The following PCDHA13 variants were observed in gnomAD, a reference collection of about 807,000 sequenced individuals.
The protein encoded by PCDHA13 is protocadherin alpha-13.
PCDHA13 carries 54 observed loss-of-function variants against 64.8 expected under a neutral mutation model. The ratio of observed to expected loss-of-function variants is 0.83; its 90% CI spans 0.67 to 1.04. PCDHA13 has a LOEUF of 1.04. PCDHA13 is among the 50% of genes least tolerant of loss of function. PCDHA13 has a pLI of 0.00. For missense variants in PCDHA13, 1,248 were observed against 1,254.3 expected (o/e 0.99, Z 0.08); for synonymous variants, 587 against 564.4 (o/e 1.04, Z -0.57).
chr5:141,010,321 G>A lies in PCDHA13; in HGVS notation c.*384G>A. The A allele has an allele frequency of 1.3e-6, 2 of 1,541,244 alleles. No individual in the cohort carries two copies. Among genetic ancestry groups the A allele is most frequent in the South Asian group, 1.2e-5 (1 of 82,726 alleles). On this transcript the variant is annotated 3_prime_UTR_variant, in exon 4 of 4. Transcript: ENST00000289272. ...GGCTGAAAAGTTTTGAGATTGAGCA[G>A]CTTGGGAGTTTGTGGCCACTGGGTA...
intron 1 of PCDHA13, among the ~76,000 whole-genome samples, chr5:140,956,602 G>T (rs541025327): frequency 2.6e-5 from 4 of 152,212 alleles, no homozygotes. Flanking sequence ...GATATCAGCT[G>T]GAAGTTTTCC....
chr5:140,887,357 A>T (rs112910602), intron 1 of PCDHA13, among the ~76,000 whole-genome samples: 12,309 of 152,126 alleles, frequency 0.081, 539 homozygotes, highest in Middle Eastern at 0.13. Context: ...CGGCCTCCCA[A>T]AGTGCTGGGA....
intron 2 of PCDHA13, among the ~76,000 whole-genome samples, chr5:140,980,713 C>A (rs1034858406): frequency 1.3e-5 from 2 of 151,364 alleles, no homozygotes; most frequent in Non-Finnish European, 2.9e-5. Context: ...TGCTCCTATT[C>A]GGGTTTCAAT....
intron 1 of PCDHA13, among the ~76,000 whole-genome samples, chr5:140,903,538 C>G (rs562932214): frequency 7.9e-5 from 12 of 152,208 alleles, no homozygotes; most frequent in African/African-American, 2.6e-4. Context: ...TAAACTAGAG[C>G]AAGAAACTTT....
chr5:140,968,782 C>T (rs1256152245), intron 1 of PCDHA13: 43 of 1,614,072 alleles, frequency 2.7e-5, no homozygotes, highest in African/African-American at 8.0e-5. Flanking sequence ...CACTATCAGC[C>T]TCTGTGGCCA....
intron 1 of PCDHA13, among the ~76,000 whole-genome samples, chr5:140,937,624 A>G (rs2091636613): frequency 6.6e-6 from 1 of 150,778 alleles, no homozygotes; most frequent in Non-Finnish European, 1.5e-5. Context: ...CTAAAAAGAA[A>G]AAGAAAGGCA....
At chr5:141,001,975 G>T (rs900969211) in intron 3 of PCDHA13, among the ~76,000 whole-genome samples, 2 of 152,302 alleles carry the variant, frequency 1.3e-5, no homozygotes, top group Non-Finnish European at 2.9e-5. Flanking sequence ...GTCTCTGCGC[G>T]GAAAGCCTGG....
intron 3 of PCDHA13, among the ~76,000 whole-genome samples, chr5:141,002,901 G>C (rs2098101392): frequency 6.6e-6 from 1 of 152,224 alleles, no homozygotes; most frequent in Admixed American, 6.5e-5. Flanking sequence ...GCAAGATGAA[G>C]AGAAGATCAG....
intron 1 of PCDHA13, among the ~76,000 whole-genome samples, chr5:140,900,090 A>G (rs1370301453): frequency 6.6e-6 from 1 of 152,152 alleles, no homozygotes; most frequent in Non-Finnish European, 1.5e-5. Context: ...AGTTACAAGC[A>G]TGCGCCACCA....
intron 1 of PCDHA13, among the ~76,000 whole-genome samples, chr5:140,973,225 G>A (rs1554235003): frequency 6.6e-6 from 1 of 152,180 alleles, no homozygotes; most frequent in African/African-American, 2.4e-5. Flanking sequence ...TCCAGGTATA[G>A]TGACCTGAAA....
chr5:140,882,602 A>G lies in PCDHA13; in HGVS notation c.334A>G (p.Arg112Gly), dbSNP rs782347582. 1.9e-6 allele frequency: 3 copies of G among 1,614,276 alleles called. No homozygotes were observed. In the South Asian group the frequency reaches 3.3e-5, roughly 18 times the overall value. ...CSIHLEVIVD[R>G]PLQVFHVEVK... ...CATCCACCTGGAGGTGATCGTGGAC[A>G]GGCCTCTGCAGGTTTTCCATGTGGA... Residue 112 changes from arginine to glycine, a missense_variant, in exon 1 of 4, where the codon AGG becomes GGG. Physicochemically the swap from Arg to Gly is moderately radical, Grantham distance 125. Coordinates refer to ENST00000289272, the MANE Select transcript of PCDHA13 (RefSeq NM_018904.3).
intron 1 of PCDHA13, among the ~76,000 whole-genome samples, chr5:140,940,389 AT>A (rs2092602183): frequency 1.3e-5 from 2 of 151,932 alleles, no homozygotes; most frequent in Admixed American, 6.6e-5. Flanking sequence ...AATTTTGGTT[AT>A]TGTGTTTTTC....
intron 1 of PCDHA13, among the ~76,000 whole-genome samples, chr5:140,975,395 C>T (rs2096665697): frequency 6.6e-6 from 1 of 152,246 alleles, no homozygotes; most frequent in Admixed American, 6.5e-5. Flanking sequence ...AGATCCATCA[C>T]AATCACAGTC....
At position 140,883,876 on chromosome 5, in the gene PCDHA13, C is replaced by A; in HGVS notation, c.1608C>A (p.Ser536Arg). The change falls in exon 1 of 4, where the codon AGC (serine) becomes AGA (arginine). Residue 536 changes from serine (S) to arginine (R), a missense_variant. By Grantham distance (110) the Ser-to-Arg change is moderately radical. Coordinates refer to ENST00000289272, the MANE Select transcript of PCDHA13 (RefSeq NM_018904.3). ...TGGAGCTGTTGCAGTTCCAGGTGAG[C>A]GCGCGCGACTCTGGCGTGCCGCCTC... ...EELELLQFQV[S>R]ARDSGVPPLG... 6.2e-7 allele frequency: 1 copy of A among 1,613,214 alleles called. No homozygotes were observed. Among genetic ancestry groups the A allele is most frequent in the Non-Finnish European group, 8.5e-7 (1 of 1,179,874 alleles).
chr5:140,887,446 C>T (rs554116341), intron 1 of PCDHA13, among the ~76,000 whole-genome samples: 1 of 152,170 alleles, frequency 6.6e-6, no homozygotes, highest in East Asian at 1.9e-4. Flanking sequence ...GCATAGTTGA[C>T]AGTTTTTTAA....
At chr5:140,934,228 G>A (rs1238284158) in intron 1 of PCDHA13, among the ~76,000 whole-genome samples, 2 of 151,884 alleles carry the variant, frequency 1.3e-5, no homozygotes, top group African/African-American at 4.8e-5. Flanking sequence ...TAAAAGATTT[G>A]TACTTAATTG....
chr5:140,967,888 G>A, intron 1 of PCDHA13: 1 of 1,614,138 alleles, frequency 6.2e-7, no homozygotes, highest in South Asian at 1.1e-5. Context: ...ATAGCCCAGT[G>A]CCTGAGAATG....
rs1554177987 is a variant in PCDHA13 at position 140,883,384 on chromosome 5, CAG to C, written c.1117_1118del (p.Ser373CysfsTer5). On this transcript the variant is annotated frameshift_variant, in exon 1 of 4. Transcript: ENST00000289272. LOFTEE classifies it high-confidence loss of function. ...AGCCTAGCGCCATTATTGCCCTAAT[CAG>C]TGTGTCCGATCGTGACTCTGGCTCA... ...TQPSAIIALI[S>X]VSDRDSGSNG... 1.2e-6 allele frequency: 2 copies of C among 1,614,072 alleles called. No individual in the cohort carries two copies. The highest frequency in any genetic ancestry group is 2.7e-5 in the African/African-American group (2 of 74,920).
At position 140,918,968 on chromosome 5, in the gene PCDHA13, G is replaced by A. The variant is rs1028863089; in HGVS notation, c.2394+34306G>A. Among the ~76,000 whole-genome samples, 5 of 152,196 alleles carry A rather than the reference G, an allele frequency of 3.3e-5. 1 individual carries two copies. The highest frequency in any genetic ancestry group is 5.9e-5 in the Non-Finnish European group (4 of 68,034). On this transcript the variant is annotated intron_variant, in intron 1 of 3. Transcript: ENST00000289272. ...TCCTGAACAGACTAAGACAGATATC[G>A]TTTAGGTTAGTTGGTTTTTAGTGTT...
Sources: gnomAD v4.1 joint callset for allele counts (sites outside exome capture counted in the v4.1 genomes callset) on GRCh38, gnomAD v4.1.1 for gene constraint, MANE v1.5 for transcripts, NCBI Gene and HGNC (gene_info 2026-07-23, HGNC 2026-07-21) for gene names.